ADAMTSL1: variants seen among roughly 807,000 people sequenced by gnomAD.
The protein encoded by ADAMTSL1 is ADAMTS like 1.
In ADAMTSL1, 126 loss-of-function variants were observed where a neutral mutation model predicts 201.8. The observed-to-expected ratio is 0.62, with a 90% confidence interval of 0.54 to 0.72. ADAMTSL1 has a LOEUF of 0.72. Ranked by LOEUF, ADAMTSL1 falls within the 30% of genes least tolerant of loss-of-function variation. The pLI, the probability that ADAMTSL1 is intolerant of heterozygous loss-of-function variation, is 0.00. For synonymous variants in ADAMTSL1, 1,121 were observed against 903.4 expected (o/e 1.24, Z -4.32); for missense variants, 2,679 against 2,277.8 (o/e 1.18, Z -3.59).
rs536107752 is a variant in ADAMTSL1, at chr9:18,387,630, G to A, written c.208-117199G>A. On this transcript the variant is annotated intron_variant, in intron 2 of 29. Transcript: ENST00000680146. The stretch of plus-strand genomic sequence containing the variant: ...ATCCTTATTTACACACATAGTTCTA[G>A]TTTATTTATTTTCATTTGTTTTTTT... Among the ~76,000 whole-genome samples, 15 of 151,534 alleles carry A rather than the reference G, an allele frequency of 9.9e-5. No individual in the cohort carries two copies. In the South Asian group the frequency reaches 2.7e-3, roughly 27 times the overall value.
At chr9:18,220,484 C>T (rs1830214973) in intron 2 of ADAMTSL1, among the ~76,000 whole-genome samples, 1 of 151,944 alleles carries the variant, frequency 6.6e-6, no homozygotes, top group Admixed American at 6.6e-5. Flanking sequence ...TTTTTCAATA[C>T]CTTCATCTTT....
intron 5 of ADAMTSL1, among the ~76,000 whole-genome samples, chr9:18,634,894 T>C (rs1358155349): frequency 7.7e-6 from 1 of 129,510 alleles, no homozygotes; most frequent in Non-Finnish European, 1.6e-5. Context: ...TAAATATGTA[T>C]GTAAATATAT....
At chr9:18,622,424 C>T (rs751694649) in intron 5 of ADAMTSL1, 55 bp downstream of exon 5, 1 of 1,612,768 alleles carries the variant, frequency 6.2e-7, no homozygotes, top group South Asian at 1.1e-5. Flanking sequence ...CCTCTCCTGG[C>T]TTAGGTCTGG....
chr9:18,630,039 A>G (rs1368312100), intron 5 of ADAMTSL1, among the ~76,000 whole-genome samples: 2 of 152,206 alleles, frequency 1.3e-5, no homozygotes, highest in Admixed American at 6.5e-5. Flanking sequence ...GATGCCAGAC[A>G]TTACAAATTT....
intron 2 of ADAMTSL1, among the ~76,000 whole-genome samples, chr9:18,292,200 C>T (rs1047749929): frequency 6.6e-6 from 1 of 152,052 alleles, no homozygotes; most frequent in Non-Finnish European, 1.5e-5. Context: ...CCAAGGGAAG[C>T]TTCAGGTGAT....
chr9:18,251,063 G>C (rs935990553), intron 2 of ADAMTSL1, among the ~76,000 whole-genome samples: 6 of 152,020 alleles, frequency 3.9e-5, no homozygotes, highest in Admixed American at 1.3e-4. Flanking sequence ...CTGTCAGGAA[G>C]ATGTAATTAG....
At chr9:18,439,478 T>C (rs1216961124) in intron 2 of ADAMTSL1, among the ~76,000 whole-genome samples, 4 of 152,202 alleles carry the variant, frequency 2.6e-5, no homozygotes, top group Admixed American at 2.6e-4. Context: ...GCAATTCTCC[T>C]GCCTCAGCCT....
intron 2 of ADAMTSL1, among the ~76,000 whole-genome samples, chr9:18,300,162 G>A (rs1833646686): frequency 6.6e-6 from 1 of 152,152 alleles, no homozygotes; most frequent in Non-Finnish European, 1.5e-5. Flanking sequence ...ACATGCACAT[G>A]TATGTTTATT....
At chr9:18,367,930 C>T (rs1036310470) in intron 2 of ADAMTSL1, among the ~76,000 whole-genome samples, 16 of 151,970 alleles carry the variant, frequency 1.1e-4, no homozygotes, top group Admixed American at 2.0e-4. Flanking sequence ...GACGGAGTCT[C>T]GCTCTGTCGC....
intron 19 of ADAMTSL1, among the ~76,000 whole-genome samples, chr9:18,787,933 G>C (rs1821797589): frequency 6.6e-6 from 1 of 152,154 alleles, no homozygotes; most frequent in Non-Finnish European, 1.5e-5. Flanking sequence ...AAGACTCTAT[G>C]AACTTCTGAA....
chr9:18,454,996 C>T (rs139549848), intron 2 of ADAMTSL1, among the ~76,000 whole-genome samples: 73 of 152,246 alleles, frequency 4.8e-4, no homozygotes, highest in South Asian at 2.7e-3. Context: ...TTCCCCACCC[C>T]CACCTTGCAC....
intron 1 of ADAMTSL1, among the ~76,000 whole-genome samples, chr9:18,163,363 A>T (rs935246402): frequency 6.6e-6 from 1 of 152,056 alleles, no homozygotes; most frequent in African/African-American, 2.4e-5. Flanking sequence ...CGGAGCAGCT[A>T]AAGTACATCT....
intron 2 of ADAMTSL1, among the ~76,000 whole-genome samples, chr9:18,394,379 C>T (rs961911503): frequency 6.6e-6 from 1 of 152,122 alleles, no homozygotes; most frequent in African/African-American, 2.4e-5. Context: ...CCCAGGAGAT[C>T]CATTTTTGTT....
intron 3 of ADAMTSL1, among the ~76,000 whole-genome samples, chr9:18,547,382 G>A (rs1007112619): frequency 1.3e-5 from 2 of 151,906 alleles, no homozygotes; most frequent in African/African-American, 4.8e-5. Context: ...GGCATAGCCA[G>A]GTTCAAAAGC....
At chr9:18,754,803 G>C (rs1289972964) in intron 16 of ADAMTSL1, among the ~76,000 whole-genome samples, 1 of 152,138 alleles carries the variant, frequency 6.6e-6, no homozygotes, top group Non-Finnish European at 1.5e-5. Context: ...TTCTTTTAGA[G>C]CTTAAATGTA....
intron 1 of ADAMTSL1, among the ~76,000 whole-genome samples, chr9:18,102,740 T>C (rs1824585947): frequency 6.6e-6 from 1 of 152,156 alleles, no homozygotes; most frequent in African/African-American, 2.4e-5. Context: ...TAAAAGGAAG[T>C]TACAGAGATT....
At chr9:18,367,748 A>G (rs1375856940) in intron 2 of ADAMTSL1, among the ~76,000 whole-genome samples, 9 of 152,202 alleles carry the variant, frequency 5.9e-5, no homozygotes, top group Middle Eastern at 6.8e-3. Context: ...TAGGCACAGA[A>G]TTACACATTT....
chr9:18,780,651 C>A (rs1821342237), intron 19 of ADAMTSL1, among the ~76,000 whole-genome samples: 2 of 152,038 alleles, frequency 1.3e-5, no homozygotes, highest in South Asian at 4.1e-4. Flanking sequence ...TGGTATACAT[C>A]CTTTTAGAAT....
intron 1 of ADAMTSL1, among the ~76,000 whole-genome samples, chr9:18,158,594 T>A (rs1827255015): frequency 6.6e-6 from 1 of 152,080 alleles, no homozygotes. Flanking sequence ...TACTGAAATC[T>A]GGTAAACTCA....
Sources: gnomAD v4.1 joint callset for allele counts (sites outside exome capture counted in the v4.1 genomes callset) on GRCh38, gnomAD v4.1.1 for gene constraint, MANE v1.5 for transcripts, NCBI Gene and HGNC (gene_info 2026-07-23, HGNC 2026-07-21) for gene names.